Variants in ZSCAN4 observed in about 807,000 individuals in gnomAD.
The protein encoded by ZSCAN4 is zinc finger and SCAN domain-containing protein 4.
A neutral mutation model predicts 18.3 loss-of-function variants in ZSCAN4; 18 were observed. The observed-to-expected ratio is 0.98, with a 90% confidence interval of 0.68 to 1.46. The LOEUF (loss-of-function observed/expected upper bound fraction) is 1.46. ZSCAN4 is among the 40% of genes most tolerant of loss of function. The pLI is 0.00. For synonymous variants in ZSCAN4, 193 were observed against 180.3 expected, an observed-to-expected ratio of 1.07 and a Z score of -0.57; for missense variants, 498 against 511.4, an observed-to-expected ratio of 0.97 and a Z score of 0.25.
chr19:57,656,312 C>T, the ZSCAN4 span, among the ~76,000 whole-genome samples: 4 of 152,206 alleles, frequency 2.6e-5, no homozygotes, highest in African/African-American at 9.7e-5. Context: ...CTCATACACC[C>T]AGGAGGAACA....
At chr19:57,657,726 G>C in the ZSCAN4 span, among the ~76,000 whole-genome samples, 1 of 152,076 alleles carries the variant, frequency 6.6e-6, no homozygotes, top group South Asian at 2.1e-4. Flanking sequence ...ACCTGAAGAT[G>C]TTCTAGTCTC....
At chr19:57,664,918 A>T (rs1983816180), upstream of ZSCAN4, 1 of 156,854 alleles carries the variant, frequency 6.4e-6, no homozygotes, top group South Asian at 1.7e-4. Context: ...GGACAAGCGC[A>T]CGCGTGCTGG....
chr19:57,665,639 G>C (rs576348536), upstream of ZSCAN4, among the ~76,000 whole-genome samples: 1 of 152,054 alleles, frequency 6.6e-6, no homozygotes, highest in African/African-American at 2.4e-5. Flanking sequence ...TTAATCCAAG[G>C]CCGGGCGCGG....
At chr19:57,673,895 A>G (rs1234790283) in intron 2 of ZSCAN4, among the ~76,000 whole-genome samples, 1 of 152,136 alleles carries the variant, frequency 6.6e-6, no homozygotes, top group African/African-American at 2.4e-5. Context: ...CTGCGATTAC[A>G]GGCATGCACC....
chr19:57,666,767 C>T (rs1230248016), upstream of ZSCAN4, among the ~76,000 whole-genome samples: 1 of 152,186 alleles, frequency 6.6e-6, no homozygotes, highest in East Asian at 1.9e-4. Context: ...CCTTTAATCA[C>T]AGCTACTCTG....
chr19:57,663,519 C>CAAA, the ZSCAN4 span, among the ~76,000 whole-genome samples: 19 of 18,284 alleles, frequency 1.0e-3, 1 homozygote, highest in African/African-American at 4.1e-3. Flanking sequence ...AACCATGTCT[C>CAAA]TAAAAAAAAA....
At chr19:57,668,060 C>A (rs560478987), upstream of ZSCAN4, among the ~76,000 whole-genome samples, 2 of 152,138 alleles carry the variant, frequency 1.3e-5, no homozygotes, top group Admixed American at 6.5e-5. Flanking sequence ...TGCCACCATG[C>A]CTGGCTAATT....
upstream of ZSCAN4, among the ~76,000 whole-genome samples, chr19:57,667,688 T>C (rs1393090201): frequency 1.3e-5 from 2 of 152,156 alleles, no homozygotes; most frequent in African/African-American, 2.4e-5. Flanking sequence ...GCTGTATATC[T>C]GAACTCAAAA....
At chr19:57,676,535 TGCCTTA>T in exon 3 of ZSCAN4, 1 of 1,612,238 alleles carries the variant, frequency 6.2e-7, no homozygotes, top group Non-Finnish European at 8.5e-7. Flanking sequence ...TAAATCCACC[TGCCTTA>T]GTGAGTACAG....
At chr19:57,677,479 C>T (rs1276629531) in intron 3 of ZSCAN4, among the ~76,000 whole-genome samples, 1 of 151,872 alleles carries the variant, frequency 6.6e-6, no homozygotes, top group Non-Finnish European at 1.5e-5. Context: ...AAGTAAAATG[C>T]TGAAACACTG....
the ZSCAN4 span, among the ~76,000 whole-genome samples, chr19:57,659,780 T>C: frequency 2.0e-5 from 3 of 152,192 alleles, no homozygotes; most frequent in Non-Finnish European, 4.4e-5. Flanking sequence ...ACCTTCATTC[T>C]CTTTCTCCTT....
chr19:57,674,913 T>A (rs190510887), intron 2 of ZSCAN4, among the ~76,000 whole-genome samples: 76 of 151,710 alleles, frequency 5.0e-4, no homozygotes, highest in African/African-American at 1.8e-3. Flanking sequence ...CTTTTAACAA[T>A]AAATTTTGTT....
intron 2 of ZSCAN4, among the ~76,000 whole-genome samples, chr19:57,671,109 A>G (rs546511823): frequency 1.3e-5 from 2 of 152,102 alleles, no homozygotes; most frequent in African/African-American, 4.8e-5. Flanking sequence ...TGATTTGCCC[A>G]CTTTCAGCCT....
the ZSCAN4 span, among the ~76,000 whole-genome samples, chr19:57,652,655 C>T: frequency 6.6e-6 from 1 of 152,122 alleles, no homozygotes; most frequent in Admixed American, 6.5e-5. Flanking sequence ...TTCTCCACTG[C>T]ATACACAGTC....
At chr19:57,653,013 G>A in the ZSCAN4 span, among the ~76,000 whole-genome samples, 1 of 152,046 alleles carries the variant, frequency 6.6e-6, no homozygotes, top group Non-Finnish European at 1.5e-5. Context: ...AACCCAGTTG[G>A]GGCCTTCGTT....
At chr19:57,670,727 C>T (rs1479129837) in intron 2 of ZSCAN4, among the ~76,000 whole-genome samples, 160 bp downstream of exon 2, 1 of 152,164 alleles carries the variant, frequency 6.6e-6, no homozygotes, top group Non-Finnish European at 1.5e-5. Flanking sequence ...ATATGGGGGT[C>T]TCCCAGGTGT....
the ZSCAN4 span, among the ~76,000 whole-genome samples, chr19:57,660,255 AG>A: frequency 0.33 from 50,506 of 152,154 alleles, 9,232 homozygotes; most frequent in Non-Finnish European, 0.42. Flanking sequence ...TTTATATAGC[AG>A]GAAGGTCATT....
exon 5 of ZSCAN4, chr19:57,678,882 C>A (rs1984278605): frequency 1.2e-6 from 2 of 1,600,904 alleles, no homozygotes; most frequent in Non-Finnish European, 1.7e-6. Flanking sequence ...GCCAAGTGTT[C>A]CCTCCACACC....
At position 57,678,081 on chromosome 19, in the gene ZSCAN4, T is replaced by A; in HGVS notation, c.562+2T>A. The A allele has an allele frequency of 6.3e-7, 1 of 1,582,356 alleles. No homozygotes were observed. Among genetic ancestry groups the A allele is most frequent in the Non-Finnish European group, 8.6e-7 (1 of 1,165,276 alleles). On this transcript the variant is annotated splice_donor_variant, in intron 4 of 4. Coordinates refer to ENST00000318203, the Ensembl canonical transcript of ZSCAN4. LOFTEE classifies it high-confidence loss of function. ...ATACTTCCTTAGAAACAGGACAAGG[T>A]AAGTCAGGTGAATCTGCACAACTGA... is the stretch of plus-strand genomic sequence containing the variant.
Sources: gnomAD v4.1 joint callset for allele counts (sites outside exome capture counted in the v4.1 genomes callset) on GRCh38, gnomAD v4.1.1 for gene constraint, MANE v1.5 for transcripts, NCBI Gene and HGNC (gene_info 2026-07-23, HGNC 2026-07-21) for gene names.